SLC25A26: variants seen among roughly 807,000 people sequenced by gnomAD.
SLC25A26 encodes solute carrier family 25 member 26, also known as mitochondrial S-adenosylmethionine carrier protein.
A neutral mutation model predicts 37.8 loss-of-function variants in SLC25A26; 36 were observed. The ratio of observed to expected loss-of-function variants is 0.95; its 90% CI spans 0.73 to 1.26. SLC25A26 has a LOEUF of 1.26. Ranked by LOEUF, SLC25A26 falls within the 50% of genes most tolerant of loss-of-function variation. SLC25A26 has a pLI of 0.00. For synonymous variants in SLC25A26, 129 were observed against 122.5 expected (o/e 1.05, Z -0.35); for missense variants, 390 against 331.1 (o/e 1.18, Z -1.38).
chr3:66,329,334 A>G (rs10510954), intron 5 of SLC25A26, among the ~76,000 whole-genome samples: 41,963 of 152,060 alleles, frequency 0.28, 6,716 homozygotes, highest in East Asian at 0.68. Context: ...AAAATTCTGC[A>G]TCCTTCTGTT....
intron 1 of SLC25A26, among the ~76,000 whole-genome samples, chr3:66,194,344 GTT>G (rs1445402570): frequency 1.3e-5 from 2 of 152,172 alleles, no homozygotes; most frequent in African/African-American, 2.4e-5. Flanking sequence ...GCTTGGTTTT[GTT>G]TTCCCACCTG....
chr3:66,269,455 C>T (rs1031742526), intron 5 of SLC25A26, among the ~76,000 whole-genome samples: 2 of 152,164 alleles, frequency 1.3e-5, no homozygotes, highest in African/African-American at 2.4e-5. Context: ...TTTGTATTCA[C>T]TGGCTACTTA....
intron 5 of SLC25A26, among the ~76,000 whole-genome samples, chr3:66,320,374 T>C (rs2075662575): frequency 6.6e-6 from 1 of 152,212 alleles, no homozygotes; most frequent in South Asian, 2.1e-4. Flanking sequence ...TCCTTTGTGT[T>C]TGGCTTATTT....
chr3:66,173,477 C>T lies in SLC25A26; in HGVS notation c.-354+39493C>T, dbSNP rs142067870. Among the ~76,000 whole-genome samples the T allele has an allele frequency of 8.0e-3, 1,224 of 152,202 alleles. 20 individuals are homozygous for T. Among genetic ancestry groups the T allele is most frequent in the African/African-American group, 0.028 (1,158 of 41,528 alleles). The stretch of plus-strand genomic sequence containing the variant: ...CTTGGTGCCATCCAGGTTCATAAGC[C>T]GGGAGTGGATGTTTAAGCTTGCTAG... On this transcript the variant is annotated intron_variant, in intron 1 of 10. Transcript: ENST00000676754.
intron 1 of SLC25A26, among the ~76,000 whole-genome samples, chr3:66,183,527 A>T (rs775218275): frequency 2.6e-5 from 4 of 151,596 alleles, no homozygotes; most frequent in Non-Finnish European, 5.9e-5. Context: ...CCTACCCCTT[A>T]CCCTGATGCT....
intron 3 of SLC25A26, among the ~76,000 whole-genome samples, chr3:66,256,516 A>G (rs1262386450): frequency 1.3e-5 from 2 of 152,226 alleles, no homozygotes. Context: ...GGTAGGTAGA[A>G]AAGAAACACC....
chr3:66,269,232 C>G (rs2073870235), intron 5 of SLC25A26, among the ~76,000 whole-genome samples: 1 of 152,108 alleles, frequency 6.6e-6, no homozygotes, highest in Non-Finnish European at 1.5e-5. Context: ...GAAATTAAAC[C>G]TGCTTTTAGG....
At chr3:66,336,924 C>T (rs1035620483) in intron 5 of SLC25A26, among the ~76,000 whole-genome samples, 5 of 152,036 alleles carry the variant, frequency 3.3e-5, no homozygotes, top group African/African-American at 4.8e-5. Context: ...CTTTTTAAAA[C>T]TTTATTTTTA....
chr3:66,246,465 A>T (rs2072845872), intron 3 of SLC25A26, among the ~76,000 whole-genome samples: 1 of 152,216 alleles, frequency 6.6e-6, no homozygotes, highest in Non-Finnish European at 1.5e-5. Flanking sequence ...AGTCGTTTAT[A>T]TTCTGATGCT....
chr3:66,217,827 G>A (rs930395560), upstream of SLC25A26, among the ~76,000 whole-genome samples: 18 of 152,210 alleles, frequency 1.2e-4, no homozygotes, highest in African/African-American at 4.3e-4. Flanking sequence ...TGAGATTACA[G>A]GTATGAGCCA....
chr3:66,250,402 T>TA (rs1271962221), intron 3 of SLC25A26, among the ~76,000 whole-genome samples: 1 of 152,254 alleles, frequency 6.6e-6, no homozygotes, highest in Admixed American at 6.5e-5. Context: ...GTCCGTGACT[T>TA]ACGATGGTTC....
intron 1 of SLC25A26, among the ~76,000 whole-genome samples, chr3:66,176,120 C>T (rs892243246): frequency 5.3e-5 from 8 of 152,172 alleles, no homozygotes; most frequent in African/African-American, 9.7e-5. Flanking sequence ...ACACACCTGG[C>T]TAATGCTTTT....
chr3:66,240,755 T>TC (rs2072539412), intron 2 of SLC25A26, among the ~76,000 whole-genome samples: 1 of 149,232 alleles, frequency 6.7e-6, no homozygotes, highest in African/African-American at 2.5e-5. Context: ...TTCTTTTTTT[T>TC]TTTTTTTTGA....
At chr3:66,257,568 G>T (rs2073353065) in intron 3 of SLC25A26, among the ~76,000 whole-genome samples, 1 of 152,152 alleles carries the variant, frequency 6.6e-6, no homozygotes, top group Admixed American at 6.5e-5. Context: ...CATAGACGGA[G>T]AGTCATGGGC....
At chr3:66,227,108 C>T (rs1258467769) in intron 1 of SLC25A26, among the ~76,000 whole-genome samples, 5 of 152,120 alleles carry the variant, frequency 3.3e-5, no homozygotes, top group Non-Finnish European at 7.4e-5. Flanking sequence ...ATTTTTTGTG[C>T]TTTCAATGTT....
intron 1 of SLC25A26, among the ~76,000 whole-genome samples, chr3:66,231,216 A>C (rs2072011668): frequency 6.6e-6 from 1 of 152,160 alleles, no homozygotes; most frequent in Non-Finnish European, 1.5e-5. Flanking sequence ...ATGTTCGAGT[A>C]GTCAGATTGG....
At chr3:66,237,210 A>G (rs1055333628) in intron 2 of SLC25A26, among the ~76,000 whole-genome samples, 3 of 152,176 alleles carry the variant, frequency 2.0e-5, no homozygotes, top group Non-Finnish European at 4.4e-5. Flanking sequence ...GGGAAAAAAA[A>G]AGCAATCTTT....
At chr3:66,377,623 G>A (rs1700749557) in intron 9 of SLC25A26, 67 bp from the exon 10 acceptor site, 4 of 1,261,270 alleles carry the variant, frequency 3.2e-6, no homozygotes, top group Non-Finnish European at 4.6e-6. Context: ...TGAGCAAGCT[G>A]TGGGTATTGG....
chr3:66,365,649 C>T (rs992095289), intron 7 of SLC25A26, among the ~76,000 whole-genome samples: 1 of 152,078 alleles, frequency 6.6e-6, no homozygotes, highest in Non-Finnish European at 1.5e-5. Flanking sequence ...ACATTGATTG[C>T]GATCTCTCCA....
Sources: allele counts gnomAD v4.1 joint callset (sites outside exome capture counted in the v4.1 genomes callset), GRCh38; gene constraint gnomAD v4.1.1; transcripts MANE v1.5; gene names NCBI Gene and HGNC (gene_info 2026-07-23, HGNC 2026-07-21).